Variants in CDKAL1 observed in about 807,000 individuals in gnomAD.
The protein encoded by CDKAL1 is threonylcarbamoyladenosine tRNA methylthiotransferase.
In CDKAL1, 32 loss-of-function variants were observed where a neutral mutation model predicts 68.2. That is an observed-to-expected ratio of 0.47 (90% CI 0.35 to 0.63). The LOEUF is 0.63. CDKAL1 is among the 30% of genes least tolerant of loss of function. The pLI, the probability that CDKAL1 is intolerant of heterozygous loss-of-function variation, is 0.00. For synonymous variants in CDKAL1, 234 were observed against 244.3 expected (o/e 0.96, Z 0.39); for missense variants, 606 against 696.7 (o/e 0.87, Z 1.47).
intron 5 of CDKAL1, among the ~76,000 whole-genome samples, chr6:20,683,024 G>A (rs1027035650): frequency 6.7e-6 from 1 of 149,106 alleles, no homozygotes; most frequent in Non-Finnish European, 1.5e-5. Flanking sequence ...TTTCACAGGT[G>A]CAAGCATAGC....
At chr6:20,720,842 G>A (rs903577341) in intron 5 of CDKAL1, among the ~76,000 whole-genome samples, 1 of 152,150 alleles carries the variant, frequency 6.6e-6, no homozygotes, top group Non-Finnish European at 1.5e-5. Flanking sequence ...ACTCCCACAT[G>A]TAAGTGAGGA....
chr6:20,845,456 A>T (rs1268644370), intron 8 of CDKAL1, among the ~76,000 whole-genome samples: 1 of 152,042 alleles, frequency 6.6e-6, no homozygotes, highest in Non-Finnish European at 1.5e-5. Context: ...TAATTTTTTA[A>T]AGCTAGTATT....
At chr6:20,824,351 G>A (rs895928216) in intron 8 of CDKAL1, among the ~76,000 whole-genome samples, 2 of 152,120 alleles carry the variant, frequency 1.3e-5, no homozygotes, top group Non-Finnish European at 2.9e-5. Context: ...TTATCTCACA[G>A]CATCTGTGAG....
At chr6:20,844,678 C>T (rs1283644051) in intron 8 of CDKAL1, among the ~76,000 whole-genome samples, 2 of 112,960 alleles carry the variant, frequency 1.8e-5, no homozygotes, top group Non-Finnish European at 3.5e-5. Flanking sequence ...AGCGAGACCC[C>T]GTTTCTATTA....
In CDKAL1 at chr6:20,992,001, A is replaced by C. The variant is rs1161188643; in HGVS notation, c.910-8226A>C. 1.4e-5 allele frequency among the ~76,000 whole-genome samples: 2 copies of C among 141,410 alleles called. 1 individual carries two copies. The highest frequency in any genetic ancestry group is 4.0e-4 in the East Asian group (2 of 5,040). 92.8% of individuals were successfully genotyped at this position (141,410 alleles called of 152,430 possible). A position where few individuals can be genotyped will look rare whatever the true frequency, so the allele number is the denominator to read the frequency against. On this transcript the variant is annotated intron_variant, in intron 10 of 15. Transcript: ENST00000274695. ...GAGATTCTTAATTTAAGGAATTTTT[A>C]TACTTTTCCCCCACCTTTTTTTTTC... is the stretch of plus-strand genomic sequence containing the variant.
At chr6:20,970,342 A>G (rs1009905318) in intron 10 of CDKAL1, among the ~76,000 whole-genome samples, 35 of 152,220 alleles carry the variant, frequency 2.3e-4, no homozygotes, top group African/African-American at 8.2e-4. Flanking sequence ...ACCAAGATTT[A>G]TTTGTTTTTT....
chr6:21,166,176 G>A lies in CDKAL1; in HGVS notation c.1300-31845G>A, dbSNP rs114416966. 5.8e-3 allele frequency among the ~76,000 whole-genome samples: 880 copies of A among 152,212 alleles called. 8 individuals carry two copies. Among genetic ancestry groups the A allele is most frequent in the African/African-American group, 0.018 (756 of 41,538 alleles). ...GATAATTAAATTGGGAAGAAAAAGG[G>A]GGTAGTCGTAGGGATACAGATGTGT... On this transcript the variant is annotated intron_variant, in intron 13 of 15. Transcript: ENST00000274695.
intron 4 of CDKAL1, among the ~76,000 whole-genome samples, chr6:20,605,710 A>G (rs1177394540): frequency 1.3e-5 from 2 of 152,104 alleles, no homozygotes; most frequent in African/African-American, 4.8e-5. Context: ...CTGAGGCAAG[A>G]TCCTTCTGTG....
intron 9 of CDKAL1, among the ~76,000 whole-genome samples, chr6:20,869,079 C>G (rs1332352130): frequency 1.3e-5 from 2 of 152,292 alleles, no homozygotes; most frequent in Middle Eastern, 3.4e-3. Flanking sequence ...TCCCCTAAGT[C>G]TGGGCTACAT....
chr6:20,812,018 C>T (rs958785434), intron 8 of CDKAL1, among the ~76,000 whole-genome samples: 2 of 152,078 alleles, frequency 1.3e-5, no homozygotes, highest in African/African-American at 4.8e-5. Flanking sequence ...TTGTCGACCT[C>T]TGGCCTGGAT....
intron 9 of CDKAL1, among the ~76,000 whole-genome samples, chr6:20,896,046 A>AAG (rs1761662552): frequency 6.6e-6 from 1 of 152,038 alleles, no homozygotes; most frequent in South Asian, 2.1e-4. Flanking sequence ...GATAAAATTG[A>AAG]AGAGATTGGG....
At chr6:20,832,472 TAA>T (rs368550576) in intron 8 of CDKAL1, among the ~76,000 whole-genome samples, 7 of 130,352 alleles carry the variant, frequency 5.4e-5, no homozygotes, top group Non-Finnish European at 5.0e-5. Flanking sequence ...TGTCTCTAAT[TAA>T]AAAAAAAAAA....
intron 4 of CDKAL1, among the ~76,000 whole-genome samples, chr6:20,600,508 T>G (rs911353931): frequency 6.6e-6 from 1 of 152,074 alleles, no homozygotes; most frequent in Non-Finnish European, 1.5e-5. Flanking sequence ...TCAATTTCAT[T>G]TAAATCATTA....
chr6:21,074,285 A>G (rs1487883182), intron 12 of CDKAL1, among the ~76,000 whole-genome samples: 1 of 151,706 alleles, frequency 6.6e-6, no homozygotes, highest in Non-Finnish European at 1.5e-5. Context: ...CTCTGACTTT[A>G]TTGTCACAAG....
chr6:20,720,079 A>C (rs953204107), intron 5 of CDKAL1, among the ~76,000 whole-genome samples: 1 of 152,118 alleles, frequency 6.6e-6, no homozygotes, highest in Admixed American at 6.5e-5. Flanking sequence ...TGACAAGATC[A>C]TGGTTCTCTG....
At chr6:20,782,758 C>T (rs1775483848) in intron 8 of CDKAL1, among the ~76,000 whole-genome samples, 1 of 152,080 alleles carries the variant, frequency 6.6e-6, no homozygotes, top group Non-Finnish European at 1.5e-5. Flanking sequence ...AAATTATACA[C>T]AGTAGGGATT....
At chr6:21,117,152 AC>A (rs776097411) in intron 13 of CDKAL1, among the ~76,000 whole-genome samples, 1 of 152,054 alleles carries the variant, frequency 6.6e-6, no homozygotes, top group Non-Finnish European at 1.5e-5. Flanking sequence ...GTGTGTGCTT[AC>A]CAACCTTTCT....
intron 4 of CDKAL1, among the ~76,000 whole-genome samples, chr6:20,570,132 G>A (rs954685888): frequency 2.0e-5 from 3 of 151,784 alleles, no homozygotes; most frequent in East Asian, 1.9e-4. Context: ...TTGTTGAGAC[G>A]GAGTCTCTGT....
At chr6:20,873,327 C>T (rs1019692009) in intron 9 of CDKAL1, among the ~76,000 whole-genome samples, 2 of 152,112 alleles carry the variant, frequency 1.3e-5, no homozygotes, top group Non-Finnish European at 2.9e-5. Flanking sequence ...TCATAGGTCT[C>T]TAAGACTAGG....
Sources: allele counts gnomAD v4.1 joint callset (sites outside exome capture counted in the v4.1 genomes callset), GRCh38; gene constraint gnomAD v4.1.1; transcripts MANE v1.5; gene names NCBI Gene and HGNC (gene_info 2026-07-23, HGNC 2026-07-21).